The following LAMA2 variants were observed in gnomAD, a reference collection of about 807,000 sequenced individuals.
LAMA2 encodes laminin subunit alpha 2.
Under a neutral mutation model 364.8 loss-of-function variants are expected in LAMA2, and 269 were observed. That is an observed-to-expected ratio of 0.74 (90% CI 0.67 to 0.82). The LOEUF (loss-of-function observed/expected upper bound fraction) is 0.82. Ranked by LOEUF, LAMA2 falls within the 40% of genes least tolerant of loss-of-function variation. The probability of loss-of-function intolerance (pLI) is 0.00; values close to 1 mark genes in which losing one functional copy is unlikely to be tolerated. For synonymous variants in LAMA2, 1,379 were observed against 1,370.6 expected (o/e 1.01, Z -0.14); for missense variants, 3,807 against 3,873.2 (o/e 0.98, Z 0.45).
chr6:128,896,566 A>G (rs1243481320), intron 1 of LAMA2, among the ~76,000 whole-genome samples: 6 of 152,112 alleles, frequency 3.9e-5, no homozygotes, highest in Non-Finnish European at 8.8e-5. Flanking sequence ...AATTCTCTTT[A>G]TTCTCTTTCT....
intron 3 of LAMA2, among the ~76,000 whole-genome samples, chr6:129,076,765 C>T (rs75950096): frequency 0.014 from 2,135 of 151,826 alleles, 18 homozygotes; most frequent in Non-Finnish European, 0.021. Flanking sequence ...TAATACATTC[C>T]CTTGTCAAAA....
chr6:129,477,387 C>CTGAT (rs746428930), intron 53 of LAMA2, among the ~76,000 whole-genome samples: 1 of 152,158 alleles, frequency 6.6e-6, no homozygotes, highest in Non-Finnish European at 1.5e-5. Flanking sequence ...CACTGACATT[C>CTGAT]TGATAGCCTT....
rs183124680 is a variant in LAMA2, at chr6:129,143,883, A to G, written c.640-18A>G. ...TTTTGGAAAACATAATTGTTAAATT[A>G]TTTTTCATATTGTGTAGATTCACAT... On this transcript the variant is annotated intron_variant, in intron 4 of 64. Transcript: ENST00000421865. 7.1e-5 allele frequency: 110 copies of G among 1,544,348 alleles called. 1 individual carries two copies. The highest frequency in any genetic ancestry group is 8.9e-7 in the Non-Finnish European group (1 of 1,121,136).
intron 8 of LAMA2, chr6:129,158,463 G>A (rs1779257076): frequency 6.2e-7 from 1 of 1,613,894 alleles, no homozygotes; most frequent in Non-Finnish European, 8.5e-7. Flanking sequence ...AGGTAGTCCA[G>A]ACCCACTACC....
At chr6:129,476,918 A>T (rs1462456670) in intron 53 of LAMA2, among the ~76,000 whole-genome samples, 1 of 152,196 alleles carries the variant, frequency 6.6e-6, no homozygotes, top group African/African-American at 2.4e-5. Flanking sequence ...CCTGACATGA[A>T]ATAAATCACC....
rs73591259 is a variant in LAMA2 at position 129,383,251 on chromosome 6, A to G, written c.5071+18A>G. On this transcript the variant is annotated intron_variant, in intron 35 of 64. Coordinates refer to ENST00000421865, the MANE Select transcript of LAMA2 (RefSeq NM_000426.4). ...TGCAGAAGGTATTAGAAAGAATCAC[A>G]TTTTAATCATCATTTCTCCCAACAG... The G allele has an allele frequency of 4.3e-3, 6,670 of 1,547,562 alleles. 239 individuals are homozygous for G. In the African/African-American group the frequency reaches 0.08, roughly 19 times the overall value.
chr6:129,466,403 T>C (rs977095058), intron 51 of LAMA2, among the ~76,000 whole-genome samples: 2 of 151,770 alleles, frequency 1.3e-5, no homozygotes, highest in African/African-American at 4.8e-5. Flanking sequence ...CATTTCAGAG[T>C]AGTGAAAGTT....
At chr6:128,897,229 C>T (rs2114403048) in intron 1 of LAMA2, among the ~76,000 whole-genome samples, 1 of 152,236 alleles carries the variant, frequency 6.6e-6, no homozygotes, top group East Asian at 1.9e-4. Flanking sequence ...GATTTTATTT[C>T]CCTTTTTTGT....
intron 31 of LAMA2, among the ~76,000 whole-genome samples, chr6:129,352,663 C>T (rs1217105332): frequency 6.6e-6 from 1 of 152,020 alleles, no homozygotes; most frequent in Non-Finnish European, 1.5e-5. Flanking sequence ...GAGGACTTAA[C>T]AAAAAAGTTT....
At chr6:129,066,422 A>C (rs1281827034) in intron 3 of LAMA2, among the ~76,000 whole-genome samples, 1 of 152,222 alleles carries the variant, frequency 6.6e-6, no homozygotes, top group Non-Finnish European at 1.5e-5. Context: ...ACTGTAAAAC[A>C]GTGATGAAAT....
chr6:128,941,229 C>T (rs1780134675), intron 1 of LAMA2, among the ~76,000 whole-genome samples: 1 of 152,160 alleles, frequency 6.6e-6, no homozygotes, highest in Non-Finnish European at 1.5e-5. Context: ...CACTAAATGA[C>T]TTTATTTCGA....
At chr6:128,891,753 A>T (rs948625018) in intron 1 of LAMA2, among the ~76,000 whole-genome samples, 1 of 152,090 alleles carries the variant, frequency 6.6e-6, no homozygotes, top group South Asian at 2.1e-4. Context: ...ACACACAAGT[A>T]TTTGAATTCT....
intron 18 of LAMA2, among the ~76,000 whole-genome samples, chr6:129,282,984 A>G (rs930635362): frequency 3.3e-5 from 5 of 152,140 alleles, no homozygotes; most frequent in African/African-American, 9.7e-5. Context: ...AACAGTGAAC[A>G]GGGGAATGGC....
rs532836603 is a variant in LAMA2, at chr6:128,883,470, G to A, written c.112+113G>A. The A allele has an allele frequency of 4.8e-5, 72 of 1,512,652 alleles. No individual in the cohort carries two copies. In the East Asian group the frequency reaches 1.5e-3, roughly 33 times the overall value. The allele number at this position is 1,512,652 out of a possible 1,614,324, so 93.7% of individuals were successfully genotyped here. A position where few individuals can be genotyped will look rare whatever the true frequency, so the allele number is the denominator to read the frequency against. ...GGACTGCCGTCTTGCTTCGCCTTCA[G>A]AGAGTGCGCTCTGGGGCAAGAGGAA... On this transcript the variant is annotated intron_variant, in intron 1 of 64. Transcript: ENST00000421865.
intron 14 of LAMA2, among the ~76,000 whole-genome samples, chr6:129,257,523 A>T (rs934438310): frequency 1.3e-5 from 2 of 152,074 alleles, no homozygotes; most frequent in African/African-American, 4.8e-5. Flanking sequence ...TTCTATTTTG[A>T]AATTTCCAGA....
In LAMA2 at chr6:129,320,365, G is replaced by C. The variant is rs12201387; in HGVS notation, c.4059-173G>C. Among the ~76,000 whole-genome samples the C allele has an allele frequency of 0.16, 24,367 of 151,974 alleles. 2,614 individuals are homozygous for C. The highest frequency in any genetic ancestry group is 0.41 in the East Asian group (2,132 of 5,156). On this transcript the variant is annotated intron_variant, in intron 27 of 64. Transcript: ENST00000421865. The stretch of plus-strand genomic sequence containing the variant: ...AACCCATGCAGTTCAAGCCCATATT[G>C]TTCAAGGGTCAACTTATGTACAATT...
At chr6:129,068,371 C>T (rs886606768) in intron 3 of LAMA2, among the ~76,000 whole-genome samples, 4 of 152,188 alleles carry the variant, frequency 2.6e-5, no homozygotes, top group African/African-American at 9.7e-5. Context: ...ATTTATTTCT[C>T]ATAGTTCTGG....
At chr6:129,253,136 A>G (rs928690885) in intron 14 of LAMA2, among the ~76,000 whole-genome samples, 6 of 152,182 alleles carry the variant, frequency 3.9e-5, no homozygotes, top group Admixed American at 2.6e-4. Flanking sequence ...TTTTAAAACA[A>G]TGACATTTTT....
chr6:128,944,425 A>G (rs1352303815), intron 1 of LAMA2, among the ~76,000 whole-genome samples: 1 of 152,186 alleles, frequency 6.6e-6, no homozygotes, highest in East Asian at 1.9e-4. Context: ...TCAGAGGGAT[A>G]TAGAAAAACA....
Sources: allele counts gnomAD v4.1 joint callset (sites outside exome capture counted in the v4.1 genomes callset), GRCh38; gene constraint gnomAD v4.1.1; transcripts MANE v1.5; gene names NCBI Gene and HGNC (gene_info 2026-07-23, HGNC 2026-07-21).